TAFA2: variants seen among roughly 807,000 people sequenced by gnomAD.
The protein encoded by TAFA2 is TAFA chemokine like family member 2, also known as chemokine-like protein TAFA-2.
A neutral mutation model predicts 18.8 loss-of-function variants in TAFA2; 7 were observed. That is an observed-to-expected ratio of 0.37 (90% confidence interval 0.21 to 0.70). TAFA2 has a LOEUF of 0.70. Among genes scored for constraint, TAFA2 ranks in the 30% least tolerant of loss-of-function variants. The pLI is 0.53. For missense variants in TAFA2, 122 were observed against 158.1 expected (o/e 0.77, Z 1.23); for synonymous variants, 60 against 54.2 (o/e 1.11, Z -0.47).
intron 1 of TAFA2, among the ~76,000 whole-genome samples, chr12:62,209,752 G>A (rs1389801140): frequency 2.0e-5 from 3 of 152,166 alleles, no homozygotes; most frequent in Non-Finnish European, 4.4e-5. Flanking sequence ...AGTAGAGGAC[G>A]ATGTTTACAA....
At chr12:61,913,313 G>A (rs1876688166) in intron 1 of TAFA2, among the ~76,000 whole-genome samples, 1 of 152,132 alleles carries the variant, frequency 6.6e-6, no homozygotes, top group South Asian at 2.1e-4. Context: ...TAAGACTCAA[G>A]GAATCTGCAT....
chr12:61,877,152 C>T (rs866837697), intron 1 of TAFA2, among the ~76,000 whole-genome samples: 3 of 152,196 alleles, frequency 2.0e-5, no homozygotes, highest in African/African-American at 4.8e-5. Flanking sequence ...TGCTACAAAC[C>T]TCAGTCTACA....
chr12:62,189,107 TC>T (rs1304748319), intron 1 of TAFA2, among the ~76,000 whole-genome samples: 1 of 152,098 alleles, frequency 6.6e-6, no homozygotes, highest in Non-Finnish European at 1.5e-5. Flanking sequence ...GAGACACATA[TC>T]GTAGCACTCT....
In TAFA2 at chr12:61,709,345, A is replaced by T. The variant is rs889129768; in HGVS notation, c.*1061T>A. 3.9e-5 allele frequency: 6 copies of T among 152,210 alleles called. No homozygotes were observed. Among genetic ancestry groups the T allele is most frequent in the Non-Finnish European group, 5.9e-5 (4 of 68,008 alleles). 9.4% of individuals were successfully genotyped at this position (152,210 alleles called of 1,614,324 possible). A position where few individuals can be genotyped will look rare whatever the true frequency, so the allele number is the denominator to read the frequency against. On this transcript the variant is annotated 3_prime_UTR_variant, in exon 5 of 5. Coordinates refer to ENST00000416284, the MANE Select transcript of TAFA2 (RefSeq NM_178539.5). ...AATTTGAGACTGAGGAAAATGAACA[A>T]TTTTTTCTATCAACAGATTGAACAA...
chr12:61,728,779 C>T lies in TAFA2; in HGVS notation c.385-18362G>A, dbSNP rs1017765705. Among the ~76,000 whole-genome samples, 4 of 149,730 alleles carry T rather than the reference C, an allele frequency of 2.7e-5. No homozygotes were observed. In the Admixed American group the frequency reaches 2.7e-4, roughly 10 times the overall value. On this transcript the variant is annotated intron_variant, in intron 4 of 4. Coordinates refer to ENST00000416284, the MANE Select transcript of TAFA2 (RefSeq NM_178539.5). ...GTGAGGTACTATTCTATTCATCATG[C>T]TAGTTGGTGTCCCAATACCTTGATT...
chr12:61,856,256 T>C (rs1486222822), intron 2 of TAFA2, among the ~76,000 whole-genome samples: 3 of 152,062 alleles, frequency 2.0e-5, no homozygotes, highest in Non-Finnish European at 4.4e-5. Flanking sequence ...GCTAATTGAC[T>C]GAATGTAAAA....
intron 1 of TAFA2, among the ~76,000 whole-genome samples, chr12:61,875,165 A>C (rs1335655998): frequency 6.6e-6 from 1 of 152,162 alleles, no homozygotes; most frequent in East Asian, 1.9e-4. Context: ...TAATGTATGT[A>C]ACGAAAGCTA....
At position 62,244,089 on chromosome 12, in the gene TAFA2, C is replaced by CT. The variant is rs577907756; in HGVS notation, c.-130+14673dup. Reference sequence around the variant, plus strand: ...ACAAGTATGAGCCACCATACCTGGCCTTTTTTTTTTTTTCTATCAGGAATG... The same window carrying CT: ...ACAAGTATGAGCCACCATACCTGGCCTTTTTTTTTTTTTTCTATCAGGAATG... On this transcript the variant is annotated intron_variant, in intron 1 of 5. Transcript: ENST00000551619. Among the ~76,000 whole-genome samples the CT allele has an allele frequency of 6.8e-3, 949 of 139,880 alleles. 1 individual carries two copies. The highest frequency in any genetic ancestry group is 0.016 in the South Asian group (72 of 4,426). The allele number at this position is 139,880 out of a possible 152,430, so 91.8% of individuals were successfully genotyped here.
rs1340293283 is a variant in TAFA2 at position 61,897,781 on chromosome 12, C to T, written c.-1-30355G>A. Among the ~76,000 whole-genome samples, 5 of 152,180 alleles carry T rather than the reference C, an allele frequency of 3.3e-5. 1 individual carries two copies. The highest frequency in any genetic ancestry group is 2.6e-4 in the Admixed American group (4 of 15,270). ...ACTGCCCCTGGCCTCTCCCAAGTCT[C>T]ACATATTTTTTCATTTCAAAACCTA... On this transcript the variant is annotated intron_variant, in intron 1 of 4. Coordinates refer to ENST00000416284, the MANE Select transcript of TAFA2 (RefSeq NM_178539.5).
intron 2 of TAFA2, among the ~76,000 whole-genome samples, chr12:61,783,061 T>C (rs567364577): frequency 1.3e-3 from 196 of 151,818 alleles, no homozygotes; most frequent in Non-Finnish European, 1.6e-3. Flanking sequence ...CTTTACATAC[T>C]TAGTTTTCAA....
intron 1 of TAFA2, among the ~76,000 whole-genome samples, chr12:61,982,350 G>T (rs1188621486): frequency 6.6e-6 from 1 of 152,022 alleles, no homozygotes; most frequent in Non-Finnish European, 1.5e-5. Context: ...ATGATGACTT[G>T]ATGGGTGCAG....
intron 1 of TAFA2, among the ~76,000 whole-genome samples, chr12:62,027,557 A>G (rs1881341577): frequency 6.7e-6 from 1 of 150,228 alleles, no homozygotes; most frequent in Admixed American, 6.6e-5. Context: ...TTGGAATCCC[A>G]AAAGTCTAAT....
intron 1 of TAFA2, among the ~76,000 whole-genome samples, chr12:61,914,064 C>G (rs1178107799): frequency 2.6e-5 from 4 of 152,160 alleles, no homozygotes; most frequent in Non-Finnish European, 5.9e-5. Context: ...ACCCAGGGTG[C>G]TTAACTTTGC....
chr12:61,989,801 A>C (rs1334836797), intron 1 of TAFA2, among the ~76,000 whole-genome samples: 1 of 152,208 alleles, frequency 6.6e-6, no homozygotes, highest in Non-Finnish European at 1.5e-5. Flanking sequence ...TATGTGGAGG[A>C]AACGATACCA....
chr12:62,243,876 G>C (rs74728605), intron 1 of TAFA2, among the ~76,000 whole-genome samples: 2 of 152,150 alleles, frequency 1.3e-5, no homozygotes, highest in Admixed American at 1.3e-4. Flanking sequence ...GACCTCTCCA[G>C]CTCAAGCAAT....
intron 1 of TAFA2, among the ~76,000 whole-genome samples, chr12:62,185,495 G>T (rs2062579964): frequency 6.6e-6 from 1 of 152,164 alleles, no homozygotes; most frequent in Non-Finnish European, 1.5e-5. Flanking sequence ...CTACTGACTT[G>T]TCTGATAGCC....
At chr12:61,769,505 C>T (rs1314205392) in intron 2 of TAFA2, among the ~76,000 whole-genome samples, 1 of 152,078 alleles carries the variant, frequency 6.6e-6, no homozygotes, top group Non-Finnish European at 1.5e-5. Flanking sequence ...CTGCTACTTC[C>T]ACCACAGCAA....
intron 1 of TAFA2, among the ~76,000 whole-genome samples, chr12:61,951,090 G>A (rs149057389): frequency 1.7e-3 from 263 of 152,024 alleles, no homozygotes; most frequent in African/African-American, 6.0e-3. Context: ...TTCCAGAGAC[G>A]AAAAAAGATC....
intron 1 of TAFA2, among the ~76,000 whole-genome samples, chr12:61,903,173 C>T (rs112268830): frequency 0.011 from 1,607 of 152,198 alleles, 9 homozygotes; most frequent in Non-Finnish European, 0.016. Flanking sequence ...CAGTGTAGTA[C>T]CAATGTACTA....
Sources: gnomAD v4.1 joint callset for allele counts (sites outside exome capture counted in the v4.1 genomes callset) on GRCh38, gnomAD v4.1.1 for gene constraint, MANE v1.5 for transcripts, NCBI Gene and HGNC (gene_info 2026-07-23, HGNC 2026-07-21) for gene names.